The following LRFN5 variants were observed in gnomAD, a reference collection of about 807,000 sequenced individuals.
LRFN5 encodes leucine rich repeat and fibronectin type III domain containing 5, also known as leucine-rich repeat and fibronectin type-III domain-containing protein 5.
Under a neutral mutation model 45.6 loss-of-function variants are expected in LRFN5, and 24 were observed. That is an observed-to-expected ratio of 0.53 (90% CI 0.38 to 0.74). The LOEUF is 0.74. Ranked by LOEUF, LRFN5 falls within the 30% of genes least tolerant of loss-of-function variation. The pLI, the probability that LRFN5 is intolerant of heterozygous loss-of-function variation, is 0.00. For synonymous variants in LRFN5, 340 were observed against 313.8 expected (o/e 1.08, Z -0.88); for missense variants, 776 against 861.5 (o/e 0.90, Z 1.24).
Position 41,886,773 on chromosome 14 carries a change from G to A in LRFN5, c.148G>A (p.Asp50Asn). Reference protein sequence around the residue: ...KGLLFVPPNIDRRTVELRLAD... With the variant: ...KGLLFVPPNINRRTVELRLAD... ...GCTTTTATTTGTTCCACCAAACATTGACAGAAGAACTGTGGAACTGCGGTT... is the reference window on the plus strand; with the variant it reads ...GCTTTTATTTGTTCCACCAAACATTAACAGAAGAACTGTGGAACTGCGGTT... Residue 50 changes from aspartate to asparagine, a missense_variant, in exon 3 of 6, where the codon GAC (aspartate) becomes AAC (asparagine). This residue lies in a region of LRFN5 where 311 missense variants were observed against 405.1 expected (regional missense o/e 0.77). Coordinates refer to ENST00000298119, the MANE Select transcript of LRFN5 (RefSeq NM_152447.5). 1 of 1,614,024 alleles carries A rather than the reference G, an allele frequency of 6.2e-7. No individual in the cohort carries two copies. Among genetic ancestry groups the A allele is most frequent in the South Asian group, 1.1e-5 (1 of 91,048 alleles).
At chr14:41,896,512 CTAA>C (rs1308403329) in intron 4 of LRFN5, among the ~76,000 whole-genome samples, 1 of 151,990 alleles carries the variant, frequency 6.6e-6, no homozygotes, top group African/African-American at 2.4e-5. Flanking sequence ...TTTTATGTTG[CTAA>C]TAATAACACT....
intron 4 of LRFN5, chr14:41,892,507 T>G (rs530986903): frequency 1.0e-6 from 1 of 975,612 alleles, no homozygotes; most frequent in East Asian, 1.1e-4. Context: ...TCTCTAATTT[T>G]ACAAAGGGCC....
At chr14:41,810,477 C>A (rs1443844541) in intron 2 of LRFN5, among the ~76,000 whole-genome samples, 2 of 151,938 alleles carry the variant, frequency 1.3e-5, no homozygotes, top group Non-Finnish European at 2.9e-5. Flanking sequence ...ATCAGAATTA[C>A]CCTCAATATG....
intron 1 of LRFN5, among the ~76,000 whole-genome samples, chr14:41,755,515 T>A (rs1039791990): frequency 1.3e-5 from 2 of 152,202 alleles, no homozygotes; most frequent in Non-Finnish European, 2.9e-5. Context: ...TTTACCATTA[T>A]GTAATGGCCT....
chr14:41,725,340 A>G (rs1883886045), intron 1 of LRFN5, among the ~76,000 whole-genome samples: 1 of 152,158 alleles, frequency 6.6e-6, no homozygotes, highest in East Asian at 1.9e-4. Flanking sequence ...ATTTGCTTGC[A>G]TGGCTTCATC....
At chr14:41,870,623 C>A (rs1449091787) in intron 2 of LRFN5, among the ~76,000 whole-genome samples, 1 of 152,158 alleles carries the variant, frequency 6.6e-6, no homozygotes, top group Non-Finnish European at 1.5e-5. Context: ...CAACACATGG[C>A]AATTATTACA....
At chr14:41,767,880 T>C (rs1392966503) in intron 2 of LRFN5, among the ~76,000 whole-genome samples, 2 of 152,214 alleles carry the variant, frequency 1.3e-5, no homozygotes, top group Non-Finnish European at 1.5e-5. Flanking sequence ...CCTGTTGTTT[T>C]GCCATGTTTC....
At chr14:41,866,984 A>C (rs184283001) in intron 2 of LRFN5, among the ~76,000 whole-genome samples, 1 of 152,256 alleles carries the variant, frequency 6.6e-6, no homozygotes, top group East Asian at 1.9e-4. Flanking sequence ...TGTCAATGTA[A>C]TTTATCTTAC....
At chr14:41,808,452 A>AGGG (rs1887612132) in intron 2 of LRFN5, among the ~76,000 whole-genome samples, 1 of 115,402 alleles carries the variant, frequency 8.7e-6, no homozygotes, top group African/African-American at 3.4e-5. Flanking sequence ...GGGAGGGAGG[A>AGGG]CCTATAAGAT....
chr14:41,760,477 T>C (rs1029035695), intron 1 of LRFN5, among the ~76,000 whole-genome samples: 1 of 152,190 alleles, frequency 6.6e-6, no homozygotes, highest in Non-Finnish European at 1.5e-5. Flanking sequence ...CACTTTCTCA[T>C]TTGCACATTA....
chr14:41,697,628 TA>T (rs1247404456), intron 1 of LRFN5, among the ~76,000 whole-genome samples: 1 of 151,708 alleles, frequency 6.6e-6, no homozygotes, highest in Non-Finnish European at 1.5e-5. Flanking sequence ...TAAACTGTAT[TA>T]ACTAATATGA....
chr14:41,743,212 A>T (rs912447484), intron 1 of LRFN5, among the ~76,000 whole-genome samples: 1 of 152,190 alleles, frequency 6.6e-6, no homozygotes, highest in Non-Finnish European at 1.5e-5. Context: ...TTTATAAGGC[A>T]TGTAGTAGCC....
intron 1 of LRFN5, among the ~76,000 whole-genome samples, chr14:41,611,060 G>A (rs764053849): frequency 2.6e-5 from 4 of 151,996 alleles, no homozygotes; most frequent in East Asian, 1.9e-4. Context: ...CTTTCTTCTG[G>A]CCTTTTCCCA....
intron 1 of LRFN5, among the ~76,000 whole-genome samples, chr14:41,701,896 G>C (rs1038704098): frequency 8.5e-5 from 13 of 152,090 alleles, no homozygotes; most frequent in Non-Finnish European, 1.9e-4. Flanking sequence ...GGAACCTCAA[G>C]CCCAACCCCT....
Position 41,887,985 on chromosome 14 carries a change from A to T in LRFN5, c.1360A>T (p.Thr454Ser), listed in dbSNP as rs755225285. ...TATGTTTCAAATCCAGTACAATGGTACTTATGATGACACCCTTGTTTACAG... is the reference window on the plus strand; with the variant it reads ...TATGTTTCAAATCCAGTACAATGGTTCTTATGATGACACCCTTGTTTACAG... ...IRMFQIQYNG[T>S]YDDTLVYRMI... The change falls in exon 3 of 6, where the codon ACT becomes TCT. Residue 454 changes from threonine (T) to serine (S), a missense_variant. Thr to Ser is a moderately conservative substitution (Grantham distance 58). This residue lies in a region of LRFN5 where 465 missense variants were observed against 456.4 expected (regional missense o/e 1.02). Coordinates refer to ENST00000298119, the MANE Select transcript of LRFN5 (RefSeq NM_152447.5). This position sits in a 1 kb window ranked among gnomAD's most constrained non-coding sequence, Gnocchi z 4.8. 1 of 1,604,532 alleles carries T rather than the reference A, an allele frequency of 6.2e-7. No homozygotes were observed. Among genetic ancestry groups the T allele is most frequent in the Non-Finnish European group, 8.5e-7 (1 of 1,175,064 alleles).
intron 2 of LRFN5, among the ~76,000 whole-genome samples, chr14:41,808,326 G>A (rs1283256954): frequency 7.7e-6 from 1 of 129,278 alleles, no homozygotes; most frequent in Non-Finnish European, 1.6e-5. Context: ...AGGAAGGGAG[G>A]GAGGAAGGAA....
At chr14:41,703,107 A>G (rs1195781074) in intron 1 of LRFN5, among the ~76,000 whole-genome samples, 1 of 152,156 alleles carries the variant, frequency 6.6e-6, no homozygotes, top group Non-Finnish European at 1.5e-5. Flanking sequence ...GTAGCTATCA[A>G]AGTCTGATGA....
At chr14:41,736,465 G>T (rs1344617673) in intron 1 of LRFN5, among the ~76,000 whole-genome samples, 1 of 151,902 alleles carries the variant, frequency 6.6e-6, no homozygotes, top group Non-Finnish European at 1.5e-5. Flanking sequence ...TTGTAAATTT[G>T]TTTAAGTTCT....
At chr14:41,628,386 A>C (rs1041195264) in intron 1 of LRFN5, among the ~76,000 whole-genome samples, 2 of 152,092 alleles carry the variant, frequency 1.3e-5, no homozygotes, top group African/African-American at 4.8e-5. Context: ...TTCCTGTTCC[A>C]TAAAGAGTGG....
Sources: allele counts gnomAD v4.1 joint callset (sites outside exome capture counted in the v4.1 genomes callset), GRCh38; gene constraint gnomAD v4.1.1; regional missense constraint gnomAD v4.1.1; non-coding constraint Gnocchi (gnomAD v3.1); transcripts MANE v1.5; gene names NCBI Gene and HGNC (gene_info 2026-07-23, HGNC 2026-07-21).